Variants in YAE1 observed in about 807,000 individuals in gnomAD.
The protein encoded by YAE1 is protein YAE1 homolog.
A neutral mutation model predicts 23.0 loss-of-function variants in YAE1; 22 were observed. The observed-to-expected ratio is 0.96, with a 90% CI of 0.68 to 1.37. The LOEUF (loss-of-function observed/expected upper bound fraction) is 1.37. Ranked by LOEUF, YAE1 falls within the 40% of genes most tolerant of loss-of-function variation. YAE1 has a pLI of 0.00. For synonymous variants in YAE1, 101 were observed against 97.0 expected (o/e 1.04, Z -0.24); for missense variants, 260 against 262.1 (o/e 0.99, Z 0.06).
At chr7:39,593,727 G>A (rs1790937618) in intron 2 of YAE1, among the ~76,000 whole-genome samples, 1 of 152,162 alleles carries the variant, frequency 6.6e-6, no homozygotes, top group East Asian at 1.9e-4. Context: ...CAAAATACTG[G>A]AAATTACAGG....
At chr7:39,596,687 C>G (rs954306090) in intron 2 of YAE1, among the ~76,000 whole-genome samples, 2 of 152,164 alleles carry the variant, frequency 1.3e-5, no homozygotes, top group Non-Finnish European at 2.9e-5. Flanking sequence ...TTACTTATGA[C>G]GTTACGTGAA....
chr7:39,569,639 T>G (rs1790533466), intron 1 of YAE1: 1 of 647,032 alleles, frequency 1.5e-6, no homozygotes, highest in African/African-American at 1.8e-5. Context: ...AATGCAGAGT[T>G]GCTAAAGGAA....
At chr7:39,609,166 A>G (rs1055320610) in intron 2 of YAE1, among the ~76,000 whole-genome samples, 3 of 152,214 alleles carry the variant, frequency 2.0e-5, no homozygotes, top group Admixed American at 6.5e-5. Context: ...TGCTGTAGAC[A>G]GGAAGAATAA....
chr7:39,583,173 T>A (rs1790770478), intron 2 of YAE1, among the ~76,000 whole-genome samples: 1 of 152,232 alleles, frequency 6.6e-6, no homozygotes, highest in Non-Finnish European at 1.5e-5. Context: ...TTAAAAGTTA[T>A]CATTATGAGA....
In YAE1 at chr7:39,566,456, C is replaced by T. The variant is rs765483986; in HGVS notation, c.38C>T (p.Pro13Leu). 1.2e-6 allele frequency: 2 copies of T among 1,614,208 alleles called. No homozygotes were observed. The highest frequency in any genetic ancestry group is 4.5e-5 in the East Asian group (2 of 44,876). Residue 13 changes from proline (P) to leucine (L), a missense_variant, in exon 1 of 3, where the codon CCT becomes CTT. Coordinates refer to ENST00000223273, the MANE Select transcript of YAE1 (RefSeq NM_020192.5). Reference protein sequence around the residue: ...WVQAASLIQGPGDKGDVFDEE... With the variant: ...WVQAASLIQGLGDKGDVFDEE... ...CAAGCAGCCTCCTTGATCCAGGGCC[C>T]TGGAGACAAAGGGGACGTGTTTGAC...
At chr7:39,595,017 T>C (rs1402172375) in intron 2 of YAE1, among the ~76,000 whole-genome samples, 1 of 152,204 alleles carries the variant, frequency 6.6e-6, no homozygotes, top group Non-Finnish European at 1.5e-5. Context: ...TTGTTTTTGT[T>C]TTTGTTTTTA....
At chr7:39,571,275 TC>T (rs373216348) in intron 2 of YAE1, among the ~76,000 whole-genome samples, 2 of 143,638 alleles carry the variant, frequency 1.4e-5, no homozygotes, top group Non-Finnish European at 3.0e-5. Flanking sequence ...TTTTCTTTTT[TC>T]TTTTTTTTTT....
At chr7:39,566,587 G>C in intron 1 of YAE1, 40 bp downstream of exon 1, 1 of 1,610,078 alleles carries the variant, frequency 6.2e-7, no homozygotes, top group Non-Finnish European at 8.5e-7. Context: ...TGGGTTGTGG[G>C]AAGAGGCGCG....
At position 39,566,485 on chromosome 7, in the gene YAE1, G is replaced by C. The variant is rs761307089; in HGVS notation, c.67G>C (p.Glu23Gln). Residue 23 changes from glutamate to glutamine, a missense_variant, in exon 1 of 3, where the codon GAA becomes CAA. Physicochemically the swap from Glu to Gln is conservative, Grantham distance 29 (BLOSUM62 2). Coordinates refer to ENST00000223273, the MANE Select transcript of YAE1 (RefSeq NM_020192.5). ...PGDKGDVFDE[E>Q]ADESLLAQRE... ...AGACAAAGGGGACGTGTTTGACGAA[G>C]AAGCAGACGAGTCGCTCCTGGCGCA... 3.7e-6 allele frequency: 6 copies of C among 1,614,102 alleles called. No individual in the cohort carries two copies. The South Asian group carries it at 6.6e-5, about 18-fold the overall frequency.
intron 2 of YAE1, among the ~76,000 whole-genome samples, chr7:39,589,325 A>C (rs879304523): frequency 3.3e-5 from 5 of 152,228 alleles, no homozygotes; most frequent in Non-Finnish European, 5.9e-5. Flanking sequence ...CTCTAAAGTT[A>C]AAGTTTAAAA....
At chr7:39,611,192 G>A (rs1791210445), downstream of YAE1, among the ~76,000 whole-genome samples, 1 of 151,876 alleles carries the variant, frequency 6.6e-6, no homozygotes. Flanking sequence ...CTGTGGTTAT[G>A]ACAATACAGT....
chr7:39,608,806 G>A (rs1583687965), intron 2 of YAE1, among the ~76,000 whole-genome samples: 2 of 152,238 alleles, frequency 1.3e-5, no homozygotes, highest in African/African-American at 4.8e-5. Context: ...GATATGGAGT[G>A]TAAACAAATA....
downstream of YAE1, among the ~76,000 whole-genome samples, chr7:39,611,797 C>T (rs1791223409): frequency 6.6e-6 from 1 of 152,084 alleles, no homozygotes; most frequent in African/African-American, 2.4e-5. Context: ...AAGTCCTATT[C>T]ATATTATTTT....
chr7:39,575,575 A>T (rs200119634), downstream of YAE1, among the ~76,000 whole-genome samples: 674 of 81,754 alleles, frequency 8.2e-3, 4 homozygotes, highest in African/African-American at 0.041. Context: ...AGAGAGAGAG[A>T]GAGTGAGTGT....
chr7:39,603,168 G>A (rs748886293), intron 2 of YAE1, among the ~76,000 whole-genome samples: 3 of 122,432 alleles, frequency 2.5e-5, no homozygotes, highest in Non-Finnish European at 5.5e-5. Context: ...GTTTGTTTTT[G>A]AGACGGAGTC....
rs1192629121 is a variant in YAE1, at chr7:39,570,570, G to A, written c.194G>A (p.Gly65Asp). ...AVTLQQGFNQ[G>D]YKKGAEVILN... is the part of the protein sequence containing the mutation. ...ACTCTTCAACAGGGCTTCAATCAAG[G>A]TTATAAGAAAGGTGCAGAAGTCATT... is the stretch of plus-strand genomic sequence containing the variant. Residue 65 changes from glycine (G) to aspartate (D), a missense_variant, in exon 2 of 3, where the codon GGT becomes GAT. Physicochemically the swap from Gly to Asp is moderately conservative, Grantham distance 94. Transcript: ENST00000223273. 1 of 1,611,142 alleles carries A rather than the reference G, an allele frequency of 6.2e-7. No individual in the cohort carries two copies.
chr7:39,606,625 C>G (rs1791133440), intron 2 of YAE1, among the ~76,000 whole-genome samples: 1 of 152,120 alleles, frequency 6.6e-6, no homozygotes, highest in Non-Finnish European at 1.5e-5. Context: ...TATATTTGTG[C>G]ACACACAAAA....
At position 39,593,549 on chromosome 7, in the gene YAE1, T is replaced by C. The variant is rs575166951; in HGVS notation, c.252-16068T>C. On this transcript the variant is annotated intron_variant, in intron 2 of 2. Transcript: ENST00000432096. ...AGGCATGAGCCACTGTGCCTGGCCT[T>C]TTATGGGTGCAAGAAATCCTCCTGC... Among the ~76,000 whole-genome samples, 39 of 151,916 alleles carry C rather than the reference T, an allele frequency of 2.6e-4. 1 individual carries two copies. The highest frequency in any genetic ancestry group is 6.8e-3 in the Middle Eastern group (2 of 294).
At chr7:39,588,783 G>T (rs548385940) in intron 2 of YAE1, among the ~76,000 whole-genome samples, 7 of 151,606 alleles carry the variant, frequency 4.6e-5, no homozygotes, top group Non-Finnish European at 8.8e-5. Context: ...CTTGATTTTA[G>T]AATTTACTTT....
Sources: allele counts gnomAD v4.1 joint callset (sites outside exome capture counted in the v4.1 genomes callset), GRCh38; gene constraint gnomAD v4.1.1; transcripts MANE v1.5; gene names NCBI Gene and HGNC (gene_info 2026-07-23, HGNC 2026-07-21).